The following GNA12 variants were observed in gnomAD, a reference collection of about 807,000 sequenced individuals.
GNA12 encodes the protein G protein subunit alpha 12.
A neutral mutation model predicts 26.0 loss-of-function variants in GNA12; 9 were observed. The observed-to-expected ratio is 0.35, with a 90% CI of 0.21 to 0.60. The LOEUF is 0.60. Among genes scored for constraint, GNA12 ranks in the 20% least tolerant of loss-of-function variants. The probability of loss-of-function intolerance (pLI) is 0.78; values close to 1 mark genes in which losing one functional copy is unlikely to be tolerated. For missense variants in GNA12, 405 were observed against 525.8 expected (o/e 0.77, Z 2.25); for synonymous variants, 264 against 219.6 (o/e 1.20, Z -1.79).
intron 1 of GNA12, among the ~76,000 whole-genome samples, chr7:2,810,339 G>A (rs1354208082): frequency 2.6e-5 from 4 of 152,048 alleles, no homozygotes; most frequent in Non-Finnish European, 5.9e-5. Flanking sequence ...ATTCATGAGG[G>A]CTCTGTCCTT....
At chr7:2,761,187 A>G (rs2115396428) in intron 2 of GNA12, among the ~76,000 whole-genome samples, 1 of 152,014 alleles carries the variant, frequency 6.6e-6, no homozygotes, top group African/African-American at 2.4e-5. Context: ...CGTGCACGGC[A>G]CTGCGCAAAC....
At chr7:2,835,634 TGAA>T in intron 1 of GNA12, 3 of 817,584 alleles carry the variant, frequency 3.7e-6, no homozygotes, top group Non-Finnish European at 4.2e-6. Flanking sequence ...GTGGCCACCA[TGAA>T]GAAGACGGCT....
chr7:2,826,376 C>CAA (rs71026566), intron 1 of GNA12, among the ~76,000 whole-genome samples: 6 of 107,756 alleles, frequency 5.6e-5, no homozygotes, highest in South Asian at 3.2e-4. Context: ...GACTCCATCT[C>CAA]AAAAAAAAAA....
intron 2 of GNA12, among the ~76,000 whole-genome samples, chr7:2,794,268 C>T (rs553811546): frequency 2.0e-5 from 3 of 152,220 alleles, no homozygotes; most frequent in Non-Finnish European, 4.4e-5. Context: ...GAGTGAGAGG[C>T]ATTTCTGGAT....
chr7:2,826,884 C>T (rs1793496748), intron 1 of GNA12, among the ~76,000 whole-genome samples: 2 of 152,150 alleles, frequency 1.3e-5, no homozygotes, highest in Admixed American at 6.5e-5. Context: ...TGTCAAAACC[C>T]ACAGAACTAT....
At chr7:2,808,274 C>T (rs1325976086) in intron 1 of GNA12, among the ~76,000 whole-genome samples, 5 of 152,254 alleles carry the variant, frequency 3.3e-5, no homozygotes, top group Admixed American at 1.3e-4. Flanking sequence ...CCTAGAGCAG[C>T]GCCTTCAGTG....
intron 2 of GNA12, among the ~76,000 whole-genome samples, chr7:2,743,571 C>T (rs1036816255): frequency 4.6e-5 from 7 of 152,072 alleles, no homozygotes; most frequent in Admixed American, 3.3e-4. Flanking sequence ...CCAAGATGGC[C>T]GAATAGGAAC....
chr7:2,798,916 G>A (rs549951134), intron 1 of GNA12, among the ~76,000 whole-genome samples: 21 of 151,446 alleles, frequency 1.4e-4, no homozygotes, highest in South Asian at 4.2e-4. Flanking sequence ...TTCAACAAAC[G>A]CTGTTGGAGG....
rs1439912897 is a variant in GNA12 at position 2,844,104 on chromosome 7, C to A, written c.58G>T (p.Ala20Ser). 2.0e-6 allele frequency: 2 copies of A among 996,508 alleles called. No homozygotes were observed. The highest frequency in any genetic ancestry group is 1.2e-6 in the Non-Finnish European group (1 of 839,366). 61.7% of individuals were successfully genotyped at this position (996,508 alleles called of 1,614,324 possible). The change falls in exon 1 of 4, where the codon GCC becomes TCC. Residue 20 changes from alanine to serine, a missense_variant. Coordinates refer to ENST00000275364, the MANE Select transcript of GNA12 (RefSeq NM_007353.3). ...CCGCTGCCCGCCCTGCGCTCGCGGG[C>A]CCCGCCGGCCTCGGCCGGCAGCAGG... Reference protein sequence around the residue: ...RCLLPAEAGGARERRAGSGAR... With the variant: ...RCLLPAEAGGSRERRAGSGAR...
Position 2,731,426 on chromosome 7 carries a change from G to A in GNA12, c.901C>T (p.Leu301=). 6 of 1,613,666 alleles carry A rather than the reference G, an allele frequency of 3.7e-6. No individual in the cohort carries two copies. The highest frequency in any genetic ancestry group is 5.1e-6 in the Non-Finnish European group (6 of 1,179,652). ...CTCACGGTCTTCACCTTCTCCACCA[G>A]GAGGTCCATCTTGTTGAGGAAGAGA... The part of the protein sequence containing the change: ...IILFLNKMDL[L]VEKVKTVSIK... The change falls in exon 4 of 4, where the codon CTG becomes TTG. Residue 301 remains leucine, a synonymous_variant. Transcript: ENST00000275364. This position sits in a 1 kb window ranked among gnomAD's most constrained non-coding sequence, Gnocchi z 6.0.
chr7:2,822,795 G>C (rs764969806), intron 1 of GNA12, among the ~76,000 whole-genome samples: 8 of 152,220 alleles, frequency 5.3e-5, no homozygotes, highest in African/African-American at 9.6e-5. Context: ...CTGGGCGACA[G>C]AGTAAGACTC....
chr7:2,755,916 C>A (rs905235744), intron 2 of GNA12, among the ~76,000 whole-genome samples: 1 of 152,168 alleles, frequency 6.6e-6, no homozygotes, highest in Non-Finnish European at 1.5e-5. Context: ...AGATTGAATA[C>A]CAGTCTCAAT....
intron 1 of GNA12, among the ~76,000 whole-genome samples, chr7:2,833,066 C>T (rs748849439): frequency 1.3e-5 from 2 of 152,222 alleles, no homozygotes; most frequent in African/African-American, 4.8e-5. Flanking sequence ...CGGTCAGCAA[C>T]AAATATTCAC....
intron 2 of GNA12, among the ~76,000 whole-genome samples, chr7:2,784,386 G>A (rs1201845647): frequency 6.6e-6 from 1 of 152,300 alleles, no homozygotes; most frequent in African/African-American, 2.4e-5. Context: ...CCAAAGGGCT[G>A]GGATTACAAG....
At chr7:2,769,286 T>C (rs1791889603) in intron 2 of GNA12, among the ~76,000 whole-genome samples, 1 of 152,168 alleles carries the variant, frequency 6.6e-6, no homozygotes, top group African/African-American at 2.4e-5. Context: ...CTGGCAGGTA[T>C]TTACGTAGTT....
rs1267124356 is a variant in GNA12 at position 2,780,046 on chromosome 7, GTGTACATATATATATA to G, written c.525+14866_525+14881del. Among the ~76,000 whole-genome samples the G allele has an allele frequency of 3.3e-3, 286 of 85,828 alleles. 21 individuals carry two copies. Among genetic ancestry groups the G allele is most frequent in the African/African-American group, 0.011 (241 of 22,208 alleles). 56.3% of individuals were successfully genotyped at this position (85,828 alleles called of 152,430 possible). A position where few individuals can be genotyped will look rare whatever the true frequency, so the allele number is the denominator to read the frequency against. On this transcript the variant is annotated intron_variant, in intron 2 of 3. Coordinates refer to ENST00000275364, the MANE Select transcript of GNA12 (RefSeq NM_007353.3). ...ACGTACTAGTTTTTTACACATTTCT[GTGTACATATATATATA>G]TATATATATATATATATATATATAT...
chr7:2,728,706 A>C lies in GNA12; in HGVS notation c.*2475T>G, dbSNP rs1789731369. On this transcript the variant is annotated 3_prime_UTR_variant, in exon 4 of 4. Transcript: ENST00000275364. ...CAAAAGCCTAAGGTTCTGGAGACAA[A>C]ACTGACTAGAGTCTATGTGTAGCCA... 1 of 149,036 alleles carries C rather than the reference A, an allele frequency of 6.7e-6. No individual in the cohort carries two copies. The highest frequency in any genetic ancestry group is 6.7e-5 in the Admixed American group (1 of 14,936). 9.2% of individuals were successfully genotyped at this position (149,036 alleles called of 1,614,324 possible). A position where few individuals can be genotyped will look rare whatever the true frequency, so the allele number is the denominator to read the frequency against.
intron 2 of GNA12, among the ~76,000 whole-genome samples, chr7:2,792,315 T>C (rs1375525192): frequency 6.6e-6 from 1 of 152,236 alleles, no homozygotes; most frequent in East Asian, 1.9e-4. Context: ...ATTACCAAGA[T>C]GATGTGGCCT....
intron 2 of GNA12, among the ~76,000 whole-genome samples, chr7:2,761,643 C>A (rs1791560889): frequency 6.6e-6 from 1 of 152,120 alleles, no homozygotes; most frequent in African/African-American, 2.4e-5. Flanking sequence ...CAGGACGGAA[C>A]CCAAAGACAA....
Sources: allele counts gnomAD v4.1 joint callset (sites outside exome capture counted in the v4.1 genomes callset), GRCh38; gene constraint gnomAD v4.1.1; non-coding constraint Gnocchi (gnomAD v3.1); transcripts MANE v1.5; gene names NCBI Gene and HGNC (gene_info 2026-07-23, HGNC 2026-07-21).